The following MTMR8 variants were observed in gnomAD, a reference collection of about 807,000 sequenced individuals.
MTMR8 encodes the protein myotubularin related protein 8, also known as phosphatidylinositol-3,5-bisphosphate 3-phosphatase MTMR8.
A neutral mutation model predicts 39.3 loss-of-function variants in MTMR8; 65 were observed. The ratio of observed to expected loss-of-function variants is 1.65; its 90% CI spans 1.35 to 2.03. The LOEUF is 2.03. Among genes scored for constraint, MTMR8 ranks in the 30% most tolerant of loss-of-function variants. The pLI is 0.00. For missense variants in MTMR8, 777 were observed against 538.9 expected (o/e 1.44, Z -4.37); for synonymous variants, 245 against 185.2 (o/e 1.32, Z -2.62).
chrX:64,304,576 G>T (rs1361060836), intron 12 of MTMR8, among the ~76,000 whole-genome samples: 1 of 110,228 alleles, frequency 9.1e-6, no homozygotes, highest in Non-Finnish European at 1.9e-5. Flanking sequence ...TACAAGCCTT[G>T]AAGATAATAG....
At chrX:64,323,083 T>A (rs1922697228) in intron 12 of MTMR8, among the ~76,000 whole-genome samples, 1 of 112,096 alleles carries the variant, frequency 8.9e-6, no homozygotes, top group African/African-American at 3.2e-5. Flanking sequence ...GACAATGGCA[T>A]ACCAGCCAGA....
At chrX:64,360,345 T>C (rs1257938110) in intron 1 of MTMR8, 1 of 287,725 alleles carries the variant, frequency 3.5e-6, no homozygotes, top group Admixed American at 3.9e-5. Context: ...CAAGTGCACA[T>C]GGATATTTTA....
At chrX:64,287,623 G>C (rs972180420) in intron 12 of MTMR8, among the ~76,000 whole-genome samples, 5 of 110,295 alleles carry the variant, frequency 4.5e-5, no homozygotes, top group Non-Finnish European at 7.6e-5. Context: ...CAGAGATATA[G>C]ACCAATGGAA....
chrX:64,296,024 T>G (rs1921567833), intron 12 of MTMR8, among the ~76,000 whole-genome samples: 1 of 112,085 alleles, frequency 8.9e-6, no homozygotes, highest in Non-Finnish European at 1.9e-5. Flanking sequence ...CATAGACAAA[T>G]TATTAGCCAA....
At chrX:64,322,704 G>A (rs1490469512) in intron 12 of MTMR8, among the ~76,000 whole-genome samples, 1 of 112,284 alleles carries the variant, frequency 8.9e-6, no homozygotes, top group Non-Finnish European at 1.9e-5. Flanking sequence ...TTTCATTGCT[G>A]AAGCTGCACT....
At chrX:64,305,663 C>T (rs1468382900) in intron 12 of MTMR8, 1 of 532,730 alleles carries the variant, frequency 1.9e-6, no homozygotes, top group Non-Finnish European at 3.5e-6. Context: ...CTACTACCAT[C>T]TGTATTTGTT....
At chrX:64,369,632 A>C (rs1233804901) in intron 1 of MTMR8, among the ~76,000 whole-genome samples, 1 of 111,009 alleles carries the variant, frequency 9.0e-6, no homozygotes, top group African/African-American at 3.3e-5. Flanking sequence ...GGGGCAGGGG[A>C]AGCGATAGCA....
chrX:64,354,038 T>C (rs183129099), intron 4 of MTMR8, among the ~76,000 whole-genome samples: 13 of 108,950 alleles, frequency 1.2e-4, no homozygotes, highest in East Asian at 2.9e-4. Context: ...GGGGACATTA[T>C]ATTAAGTGAA....
chrX:64,354,153 G>A (rs1257768692), intron 4 of MTMR8, among the ~76,000 whole-genome samples: 1 of 108,137 alleles, frequency 9.2e-6, no homozygotes, highest in East Asian at 2.9e-4. Flanking sequence ...TAGAATGATG[G>A]TTACCAAAGG....
chrX:64,375,778 G>A (rs926577249), intron 1 of MTMR8, among the ~76,000 whole-genome samples: 2 of 111,656 alleles, frequency 1.8e-5, no homozygotes, highest in Non-Finnish European at 3.8e-5. Context: ...CTCCAGAACT[G>A]TGAGCAATAA....
At chrX:64,302,958 C>T (rs906978464) in intron 12 of MTMR8, among the ~76,000 whole-genome samples, 1 of 112,338 alleles carries the variant, frequency 8.9e-6, no homozygotes, top group African/African-American at 3.2e-5. Context: ...GCCCTCAGGC[C>T]TATACCAGAG....
Position 64,269,113 on chromosome X carries a change from A to G in MTMR8, c.1609-70T>C. On this transcript the variant is annotated intron_variant, in intron 13 of 13. Transcript: ENST00000374852. The stretch of plus-strand genomic sequence containing the variant: ...GAAAAACTAGGCAAACATTACCTTG[A>G]TCTGCAGAGATCCTATTGCTGTCAC... The G allele has an allele frequency of 3.8e-6, 4 of 1,040,717 alleles. No individual in the cohort carries two copies. In the East Asian group the frequency reaches 9.1e-5, roughly 24 times the overall value. The allele number at this position is 1,040,717 out of a possible 1,213,427, so 85.8% of individuals were successfully genotyped here. A position where few individuals can be genotyped will look rare whatever the true frequency, so the allele number is the denominator to read the frequency against.
At chrX:64,368,836 G>T (rs1338032056) in intron 1 of MTMR8, among the ~76,000 whole-genome samples, 1 of 111,969 alleles carries the variant, frequency 8.9e-6, no homozygotes, top group Non-Finnish European at 1.9e-5. Context: ...TACAGAATTG[G>T]AGAAAATTTT....
intron 12 of MTMR8, among the ~76,000 whole-genome samples, chrX:64,317,640 A>C (rs1922508592): frequency 8.9e-6 from 1 of 111,900 alleles, no homozygotes; most frequent in Admixed American, 9.5e-5. Flanking sequence ...GCATCCATTG[A>C]CTGCCTTTTT....
At chrX:64,322,682 A>G (rs1248386172) in intron 12 of MTMR8, among the ~76,000 whole-genome samples, 1 of 112,435 alleles carries the variant, frequency 8.9e-6, no homozygotes, top group Non-Finnish European at 1.9e-5. Context: ...AGAGCCAGCA[A>G]TAACTGCATC....
At chrX:64,349,574 CT>C (rs1301352146) in intron 5 of MTMR8, among the ~76,000 whole-genome samples, 1 of 111,201 alleles carries the variant, frequency 9.0e-6, no homozygotes, top group Non-Finnish European at 1.9e-5. Context: ...ATGAAAAGCA[CT>C]AAGAAAGTAT....
At chrX:64,321,404 CAG>C in intron 12 of MTMR8, among the ~76,000 whole-genome samples, 1 of 111,762 alleles carries the variant, frequency 8.9e-6, no homozygotes, top group East Asian at 2.8e-4. Context: ...CAAAACAAAA[CAG>C]AAATTTTGGA....
chrX:64,381,445 TG>T (rs1458148910), intron 1 of MTMR8, among the ~76,000 whole-genome samples: 20 of 88,106 alleles, frequency 2.3e-4, no homozygotes, highest in South Asian at 8.0e-4. Context: ...TCGATGGGGT[TG>T]TTTTTTTTTT....
intron 12 of MTMR8, among the ~76,000 whole-genome samples, chrX:64,273,391 C>T (rs1214567992): frequency 1.9e-5 from 2 of 107,033 alleles, no homozygotes; most frequent in Non-Finnish European, 3.8e-5. Context: ...TTTATGTAAG[C>T]CCCATTGTAG....
Sources: gnomAD v4.1 joint callset for allele counts (sites outside exome capture counted in the v4.1 genomes callset) on GRCh38, gnomAD v4.1.1 for gene constraint, MANE v1.5 for transcripts, NCBI Gene and HGNC (gene_info 2026-07-23, HGNC 2026-07-21) for gene names.